The following ADAMTS2 variants were observed in gnomAD, a reference collection of about 807,000 sequenced individuals.
ADAMTS2 encodes the protein ADAM metallopeptidase with thrombospondin type 1 motif 2.
Under a neutral mutation model 123.0 loss-of-function variants are expected in ADAMTS2, and 50 were observed. That is an observed-to-expected ratio of 0.41 (90% CI 0.32 to 0.51). The LOEUF (loss-of-function observed/expected upper bound fraction) is 0.51. ADAMTS2 is among the 20% of genes least tolerant of loss of function. ADAMTS2 has a pLI of 0.35. For synonymous variants in ADAMTS2, 678 were observed against 695.4 expected, an observed-to-expected ratio of 0.98 and a Z score of 0.39; for missense variants, 1,494 against 1,705.2, an observed-to-expected ratio of 0.88 and a Z score of 2.18.
chr5:179,187,180 GA>G (rs1561794851), intron 4 of ADAMTS2, among the ~76,000 whole-genome samples: 1 of 151,856 alleles, frequency 6.6e-6, no homozygotes, highest in South Asian at 2.1e-4. Flanking sequence ...AGGAGCATTT[GA>G]AAAAAAAGAC....
At chr5:179,163,443 T>G (rs985408250) in intron 5 of ADAMTS2, among the ~76,000 whole-genome samples, 1 of 152,178 alleles carries the variant, frequency 6.6e-6, no homozygotes, top group Admixed American at 6.5e-5. Flanking sequence ...GGATCAGATT[T>G]CTCAGGTCAA....
At chr5:179,266,099 A>G (rs1025302197) in intron 3 of ADAMTS2, among the ~76,000 whole-genome samples, 2 of 152,148 alleles carry the variant, frequency 1.3e-5, no homozygotes, top group African/African-American at 4.8e-5. Flanking sequence ...AGACACAGAG[A>G]CAGGTCTGGG....
At chr5:179,327,551 C>T (rs528485619) in intron 2 of ADAMTS2, among the ~76,000 whole-genome samples, 4 of 152,332 alleles carry the variant, frequency 2.6e-5, no homozygotes, top group South Asian at 4.1e-4. Flanking sequence ...GGAAGGTCAA[C>T]CGCCGCCACT....
In ADAMTS2 at chr5:179,213,279, G is replaced by C. The variant is rs115549100; in HGVS notation, c.689-5564C>G. On this transcript the variant is annotated intron_variant, in intron 3 of 21. Transcript: ENST00000251582. ...CCCAAATTGAAATCAGCCCTCCCCT[G>C]ATTTCTCCCGACAGCACCCCGTGCT... Among the ~76,000 whole-genome samples the C allele has an allele frequency of 6.5e-3, 988 of 152,286 alleles. 16 individuals are homozygous for C. The highest frequency in any genetic ancestry group is 0.023 in the African/African-American group (936 of 41,552).
rs1315839409 is a variant in ADAMTS2 at position 179,272,319 on chromosome 5, GTC to G, written c.688+590_688+591del. 6.6e-6 allele frequency among the ~76,000 whole-genome samples: 1 copy of G among 152,232 alleles called. No homozygotes were observed. The highest frequency in any genetic ancestry group is 2.4e-5 in the African/African-American group (1 of 41,476). ...AGTTGAAAAAGACAGACGCCCATGA[GTC>G]TGTGCAGAGACTGCTGAGGCTGCTG... On this transcript the variant is annotated intron_variant, in intron 3 of 21. Coordinates refer to ENST00000251582, the MANE Select transcript of ADAMTS2 (RefSeq NM_014244.5). This position sits in a 1 kb window ranked among gnomAD's most constrained non-coding sequence, Gnocchi z 5.8.
intron 2 of ADAMTS2, among the ~76,000 whole-genome samples, chr5:179,286,356 C>T (rs752784548): frequency 7.9e-5 from 12 of 152,088 alleles, no homozygotes; most frequent in Admixed American, 1.3e-4. Context: ...CTGCACACAC[C>T]GCCCCTCCCT....
chr5:179,165,627 CGGG>C (rs1421634549), intron 5 of ADAMTS2, among the ~76,000 whole-genome samples: 1 of 152,160 alleles, frequency 6.6e-6, no homozygotes, highest in Non-Finnish European at 1.5e-5. Flanking sequence ...GGGGCAGCCG[CGGG>C]CACCCAGCCT....
At chr5:179,330,241 G>A (rs1757447786) in intron 2 of ADAMTS2, among the ~76,000 whole-genome samples, 1 of 152,190 alleles carries the variant, frequency 6.6e-6, no homozygotes, top group African/African-American at 2.4e-5. Context: ...CAGGCCTTGG[G>A]GAGCCAGGTG....
In ADAMTS2 at chr5:179,341,250, G is replaced by A. The variant is rs140355876; in HGVS notation, c.534+2517C>T. On this transcript the variant is annotated intron_variant, in intron 2 of 21. Transcript: ENST00000251582. ...GAAAAGGAAAGAAGAGGCCGGGCGC[G>A]GTGGCTGAGGCCTGTAATCCCAGCA... 226 of 271,858 alleles carry A rather than the reference G, an allele frequency of 8.3e-4. 6 individuals carry two copies. In the East Asian group the frequency reaches 0.018, roughly 22 times the overall value. The allele number at this position is 271,858 out of a possible 1,614,324, so 16.8% of individuals were successfully genotyped here. A position where few individuals can be genotyped will look rare whatever the true frequency, so the allele number is the denominator to read the frequency against.
intron 12 of ADAMTS2, 68 bp downstream of exon 12, chr5:179,137,701 A>AGCCCCCCCCCCCCCCCCCCAAGGGG: frequency 6.6e-7 from 1 of 1,515,422 alleles, no homozygotes. Context: ...CAGAGGCACA[A>AGCCCCCCCCCCCCCCCCCCAAGGGG]GCCCCCACCC....
intron 4 of ADAMTS2, among the ~76,000 whole-genome samples, chr5:179,205,775 A>ATT (rs1044412977): frequency 6.7e-6 from 1 of 149,984 alleles, no homozygotes; most frequent in African/African-American, 2.4e-5. Flanking sequence ...TATTATTATT[A>ATT]TTATTATTAT....
At chr5:179,268,401 C>A (rs188378910) in intron 3 of ADAMTS2, among the ~76,000 whole-genome samples, 1 of 152,350 alleles carries the variant, frequency 6.6e-6, no homozygotes, top group Non-Finnish European at 1.5e-5. Context: ...GCATTGCCTG[C>A]CAGGCCCTGC....
rs778890516 is a variant in ADAMTS2 at position 179,129,859 on chromosome 5, G to A, written c.2457+73C>T. Reference sequence around the variant, plus strand: ...CACCTGAAGGGTCAGGAGGCTCAGCGTCCCAGGCACCCCCATCCCTCCCCC... The same window carrying A: ...CACCTGAAGGGTCAGGAGGCTCAGCATCCCAGGCACCCCCATCCCTCCCCC... On this transcript the variant is annotated intron_variant, in intron 16 of 21. Coordinates refer to ENST00000251582, the MANE Select transcript of ADAMTS2 (RefSeq NM_014244.5). The surrounding 1 kb of genome is among the most constrained non-coding windows in gnomAD (Gnocchi z 4.1). The A allele has an allele frequency of 3.3e-5, 53 of 1,593,006 alleles. No homozygotes were observed. Among genetic ancestry groups the A allele is most frequent in the African/African-American group, 8.0e-5 (6 of 74,566 alleles).
intron 3 of ADAMTS2, among the ~76,000 whole-genome samples, chr5:179,232,744 T>C (rs1342389693): frequency 6.6e-6 from 1 of 152,082 alleles, no homozygotes; most frequent in East Asian, 1.9e-4. Flanking sequence ...GTGATGATCA[T>C]ATTTTTGTCT....
intron 15 of ADAMTS2, among the ~76,000 whole-genome samples, chr5:179,131,306 C>CAAAAAA (rs553125844): frequency 8.8e-5 from 2 of 22,680 alleles, no homozygotes; most frequent in African/African-American, 2.5e-4. Context: ...GAGCGAGACT[C>CAAAAAA]AAAAAAAAAA....
intron 4 of ADAMTS2, among the ~76,000 whole-genome samples, chr5:179,190,010 A>G (rs1764269940): frequency 6.6e-6 from 1 of 152,170 alleles, no homozygotes; most frequent in Non-Finnish European, 1.5e-5. Flanking sequence ...ACAGATCACA[A>G]TGGTGGAATG....
intron 21 of ADAMTS2, among the ~76,000 whole-genome samples, chr5:179,116,089 C>T (rs1240909234): frequency 1.3e-5 from 2 of 152,116 alleles, no homozygotes; most frequent in Non-Finnish European, 2.9e-5. Context: ...GGTGCCCCGT[C>T]CTAGACACTC....
At chr5:179,165,326 C>T (rs986575582) in intron 5 of ADAMTS2, among the ~76,000 whole-genome samples, 3 of 152,232 alleles carry the variant, frequency 2.0e-5, no homozygotes, top group African/African-American at 7.2e-5. Flanking sequence ...ACACATTTCT[C>T]ATATATGGAT....
intron 5 of ADAMTS2, among the ~76,000 whole-genome samples, chr5:179,172,656 T>C (rs1763847738): frequency 6.6e-6 from 1 of 151,940 alleles, no homozygotes; most frequent in Non-Finnish European, 1.5e-5. Context: ...AGAAACCTCA[T>C]TACTCCTCCC....
Sources: gnomAD v4.1 joint callset for allele counts (sites outside exome capture counted in the v4.1 genomes callset) on GRCh38, gnomAD v4.1.1 for gene constraint, Gnocchi (gnomAD v3.1) non-coding constraint, MANE v1.5 for transcripts, NCBI Gene and HGNC (gene_info 2026-07-23, HGNC 2026-07-21) for gene names.